Variants in NCKAP5 observed in about 807,000 individuals in gnomAD.
NCKAP5 encodes NCK associated protein 5, also known as nck-associated protein 5.
Under a neutral mutation model 167.0 loss-of-function variants are expected in NCKAP5, and 92 were observed. The observed-to-expected ratio is 0.55, with a 90% confidence interval of 0.47 to 0.66. The LOEUF (loss-of-function observed/expected upper bound fraction) is 0.66, where lower values mean the gene tolerates loss of function less well. Ranked by LOEUF, NCKAP5 falls within the 30% of genes least tolerant of loss-of-function variation. The pLI, the probability that NCKAP5 is intolerant of heterozygous loss-of-function variation, is 0.00. For missense variants in NCKAP5, 2,378 were observed against 2,315.0 expected (o/e 1.03, Z -0.56); for synonymous variants, 891 against 877.4 (o/e 1.02, Z -0.27).
chr2:132,932,336 G>A (rs1035800166), intron 8 of NCKAP5, among the ~76,000 whole-genome samples: 13 of 151,738 alleles, frequency 8.6e-5, no homozygotes, highest in African/African-American at 1.9e-4. Flanking sequence ...TTTTTTTTGT[G>A]TGTGGGTGTG....
intron 3 of NCKAP5, among the ~76,000 whole-genome samples, chr2:133,376,911 T>C (rs1344276568): frequency 2.0e-5 from 3 of 152,194 alleles, no homozygotes; most frequent in Admixed American, 2.0e-4. Flanking sequence ...GATTCCTTTT[T>C]AGATGAGTAC....
At chr2:132,848,473 T>C (rs183860413) in intron 11 of NCKAP5, among the ~76,000 whole-genome samples, 1 of 152,166 alleles carries the variant, frequency 6.6e-6, no homozygotes, top group Admixed American at 6.5e-5. Context: ...AATGTAACAA[T>C]GAAATATGAG....
chr2:133,470,269 C>T (rs997440661), intron 3 of NCKAP5, among the ~76,000 whole-genome samples: 32 of 151,806 alleles, frequency 2.1e-4, no homozygotes, highest in East Asian at 1.4e-3. Context: ...AATACCCTGC[C>T]GTGTGAGGTG....
At chr2:132,883,528 CT>C (rs2148831264) in intron 8 of NCKAP5, among the ~76,000 whole-genome samples, 1 of 152,304 alleles carries the variant, frequency 6.6e-6, no homozygotes, top group Admixed American at 6.5e-5. Context: ...TGCACCTCCT[CT>C]TTCCCCTTTA....
intron 5 of NCKAP5, among the ~76,000 whole-genome samples, chr2:133,158,779 T>A (rs1159376397): frequency 1.3e-5 from 2 of 152,082 alleles, no homozygotes; most frequent in Non-Finnish European, 2.9e-5. Flanking sequence ...TAACACAATA[T>A]CATGCCTCAT....
Position 132,725,706 on chromosome 2 carries a change from G to C in NCKAP5, c.5634C>G (p.Asp1878Glu). 1.2e-6 allele frequency: 2 copies of C among 1,613,578 alleles called. No individual in the cohort carries two copies. The highest frequency in any genetic ancestry group is 1.7e-6 in the Non-Finnish European group (2 of 1,179,762). Residue 1878 changes from aspartate (D) to glutamate (E), a missense_variant, in exon 19 of 20, where the codon GAC becomes GAG. Transcript: ENST00000409261. ...CATTATCTCCATAGTCCAGGTCACT[G>C]TCACTATTACTGCCACCGCTGGCAG... Reference protein sequence around the residue: ...TYSASGGSNSDSDLDYGDNGF... With the variant: ...TYSASGGSNSESDLDYGDNGF...
intron 10 of NCKAP5, among the ~76,000 whole-genome samples, chr2:132,862,804 T>C (rs575776777): frequency 5.9e-5 from 9 of 151,954 alleles, no homozygotes; most frequent in Non-Finnish European, 1.3e-4. Flanking sequence ...GGTGAAACTT[T>C]CTTTATTTTT....
intron 3 of NCKAP5, among the ~76,000 whole-genome samples, chr2:133,503,399 C>A (rs547307283): frequency 6.6e-6 from 1 of 152,236 alleles, no homozygotes; most frequent in African/African-American, 2.4e-5. Flanking sequence ...CTTATATAAG[C>A]CCAGAAGAAA....
chr2:133,436,960 T>C (rs1176443594), intron 3 of NCKAP5, among the ~76,000 whole-genome samples: 2 of 152,066 alleles, frequency 1.3e-5, no homozygotes, highest in East Asian at 3.9e-4. Flanking sequence ...TTACCCTCCT[T>C]GTAAGATTGT....
chr2:133,149,541 G>A (rs1269331227), intron 5 of NCKAP5, among the ~76,000 whole-genome samples: 1 of 145,966 alleles, frequency 6.9e-6, no homozygotes, highest in Non-Finnish European at 1.5e-5. Context: ...TACCTATCTT[G>A]GACCAATTAA....
chr2:133,609,074 T>C, the NCKAP5 span, among the ~76,000 whole-genome samples: 1 of 152,264 alleles, frequency 6.6e-6, no homozygotes, highest in Non-Finnish European at 1.5e-5. Flanking sequence ...CTTTCCTTTA[T>C]GGCATCCATT....
intron 7 of NCKAP5, among the ~76,000 whole-genome samples, chr2:132,971,475 G>A (rs1409781798): frequency 1.3e-5 from 2 of 152,144 alleles, no homozygotes; most frequent in African/African-American, 4.8e-5. Flanking sequence ...GAATGCCACT[G>A]ACTATTTTCA....
chr2:133,022,921 G>A (rs1220052709), intron 6 of NCKAP5, among the ~76,000 whole-genome samples: 2 of 152,206 alleles, frequency 1.3e-5, no homozygotes, highest in Non-Finnish European at 2.9e-5. Context: ...ACTTTGATGA[G>A]GCAAACTGCC....
chr2:133,217,816 T>C (rs1338548817), intron 4 of NCKAP5, among the ~76,000 whole-genome samples: 1 of 152,154 alleles, frequency 6.6e-6, no homozygotes, highest in Non-Finnish European at 1.5e-5. Flanking sequence ...ACATAGTACA[T>C]AACGCAGGTA....
chr2:133,650,583 G>A, the NCKAP5 span, among the ~76,000 whole-genome samples: 403 of 152,210 alleles, frequency 2.6e-3, 1 homozygote, highest in South Asian at 0.021. Flanking sequence ...GTTTAATAAA[G>A]GTTCCAGGAG....
intron 8 of NCKAP5, among the ~76,000 whole-genome samples, chr2:132,905,618 C>T (rs957762477): frequency 6.6e-5 from 10 of 152,082 alleles, no homozygotes; most frequent in African/African-American, 2.4e-4. Flanking sequence ...CTAAATTCTG[C>T]CTTATTTCTT....
the NCKAP5 span, among the ~76,000 whole-genome samples, chr2:133,637,834 C>T: frequency 3.3e-5 from 5 of 152,108 alleles, no homozygotes; most frequent in African/African-American, 1.2e-4. Flanking sequence ...AAAAAATGTC[C>T]TTGATGAAAA....
At chr2:133,599,537 G>C in the NCKAP5 span, among the ~76,000 whole-genome samples, 18 of 152,162 alleles carry the variant, frequency 1.2e-4, no homozygotes, top group South Asian at 2.1e-4. Flanking sequence ...GCATTTACTG[G>C]AGCCCTTTCT....
chr2:133,462,287 T>C (rs1423829080), intron 3 of NCKAP5, among the ~76,000 whole-genome samples: 2 of 152,182 alleles, frequency 1.3e-5, no homozygotes, highest in Non-Finnish European at 2.9e-5. Context: ...CATCACATGA[T>C]AAAGTTGTCA....
Sources: gnomAD v4.1 joint callset for allele counts (sites outside exome capture counted in the v4.1 genomes callset) on GRCh38, gnomAD v4.1.1 for gene constraint, MANE v1.5 for transcripts, NCBI Gene and HGNC (gene_info 2026-07-23, HGNC 2026-07-21) for gene names.